DSE: variants seen among roughly 807,000 people sequenced by gnomAD.
DSE encodes the protein dermatan-sulfate epimerase.
Under a neutral mutation model 84.4 loss-of-function variants are expected in DSE, and 36 were observed. That is an observed-to-expected ratio of 0.43 (90% CI 0.33 to 0.56). The LOEUF is 0.56. Among genes scored for constraint, DSE ranks in the 20% least tolerant of loss-of-function variants. The probability of loss-of-function intolerance (pLI) is 0.06; values close to 1 mark genes in which losing one functional copy is unlikely to be tolerated. For synonymous variants in DSE, 410 were observed against 430.1 expected, an observed-to-expected ratio of 0.95 and a Z score of 0.58; for missense variants, 862 against 1,169.6, an observed-to-expected ratio of 0.74 and a Z score of 3.84.
At chr6:116,279,655 A>C in intron 2 of DSE, 1 of 1,605,898 alleles carries the variant, frequency 6.2e-7, no homozygotes, top group Non-Finnish European at 8.5e-7. Flanking sequence ...TGGAGGCGGG[A>C]GCGCGACGGT....
rs1484905169 is a variant in DSE at position 116,436,572 on chromosome 6, G to A, written c.2104G>A (p.Glu702Lys). Residue 702 changes from glutamate (E) to lysine (K), a missense_variant, in exon 6 of 6, where the codon GAG becomes AAG. Physicochemically the swap from Glu to Lys is moderately conservative, Grantham distance 56. Around this residue, in one of 4 missense-constraint regions of DSE, gnomAD observed 315 missense variants for 348.1 expected, o/e 0.90. Coordinates refer to ENST00000644252, the MANE Select transcript of DSE (RefSeq NM_013352.4). ...HAYATYLWTG[E>K]ATGQSAFAQV... ...CTACGCCACATACCTGTGGACAGGT[G>A]AGGCCACAGGACAGTCTGCCTTTGC... The A allele has an allele frequency of 1.9e-6, 3 of 1,614,140 alleles. No homozygotes were observed. In the Admixed American group the frequency reaches 5.0e-5, roughly 27 times the overall value.
intron 2 of DSE, among the ~76,000 whole-genome samples, chr6:116,285,248 AT>A (rs1316249324): frequency 1.8e-4 from 27 of 152,176 alleles, no homozygotes; most frequent in African/African-American, 6.5e-4. Flanking sequence ...TGTGGTTTTG[AT>A]TTGCATTTCT....
chr6:116,394,690 C>T (rs965760094), intron 1 of DSE, among the ~76,000 whole-genome samples: 3 of 152,106 alleles, frequency 2.0e-5, no homozygotes, highest in Admixed American at 6.6e-5. Context: ...TCAACTGATC[C>T]TCCTACCTCA....
Position 116,431,222 on chromosome 6 carries a change from C to CT in DSE, c.910+29_910+30insT, listed in dbSNP as rs1562309346. Reference sequence around the variant, plus strand: ...TAGTGAGGAGTCAGAAGTGTGAAAACATTAAACTATTGTAATTTTTTCTGA... The same window carrying CT: ...TAGTGAGGAGTCAGAAGTGTGAAAACTATTAAACTATTGTAATTTTTTCTGA... On this transcript the variant is annotated intron_variant, in intron 4 of 5. Transcript: ENST00000644252. The CT allele has an allele frequency of 3.7e-6, 6 of 1,608,168 alleles. No homozygotes were observed. The Admixed American group carries it at 1.0e-4, about 27-fold the overall frequency.
chr6:116,431,188 T>A lies in DSE; in HGVS notation c.905T>A (p.Leu302Gln). Residue 302 changes from leucine to glutamine, a missense_variant, in exon 4 of 6, where the codon CTG becomes CAG. Physicochemically the swap from Leu to Gln is moderately radical, Grantham distance 113. Coordinates refer to ENST00000644252, the MANE Select transcript of DSE (RefSeq NM_013352.4). Reference sequence around the variant, plus strand: ...TTTGCATTTATGTATAGAACCATCCTGCCAGGTATAGTGAGGAGTCAGAAG... The same window carrying A: ...TTTGCATTTATGTATAGAACCATCCAGCCAGGTATAGTGAGGAGTCAGAAG... ...QHFAFMYRTILPGFQRTVAIA... is the reference protein window; with the variant it reads ...QHFAFMYRTIQPGFQRTVAIA... 3.1e-6 allele frequency: 5 copies of A among 1,614,118 alleles called. No homozygotes were observed. Among genetic ancestry groups the A allele is most frequent in the Non-Finnish European group, 4.2e-6 (5 of 1,179,980 alleles).
Position 116,338,584 on chromosome 6 carries a change from T to C in DSE, c.-53-60614T>C, listed in dbSNP as rs551406831. On this transcript the variant is annotated intron_variant, in intron 2 of 3. Transcript: ENST00000430252. ...GTGGATCTCATGAATTTAGAGTTCA[T>C]TATAATTCACAGACAGAACCAAAGA... 7.9e-5 allele frequency among the ~76,000 whole-genome samples: 12 copies of C among 152,244 alleles called. No individual in the cohort carries two copies. In the South Asian group the frequency reaches 2.5e-3, roughly 32 times the overall value.
At chr6:116,365,446 G>C (rs1445277070), upstream of DSE, among the ~76,000 whole-genome samples, 1 of 151,726 alleles carries the variant, frequency 6.6e-6, no homozygotes, top group East Asian at 2.0e-4. Context: ...GTAGAGACGG[G>C]GTTTCACCAT....
At chr6:116,360,077 A>AT (rs1353952040) in intron 2 of DSE, among the ~76,000 whole-genome samples, 1 of 152,244 alleles carries the variant, frequency 6.6e-6, no homozygotes, top group Non-Finnish European at 1.5e-5. Context: ...GGATGGAGTC[A>AT]TTATCCTCAG....
At chr6:116,372,739 A>G (rs896136896) in intron 1 of DSE, among the ~76,000 whole-genome samples, 2 of 152,192 alleles carry the variant, frequency 1.3e-5, no homozygotes, top group African/African-American at 4.8e-5. Context: ...AACAGATTGA[A>G]TTTGATGTCT....
chr6:116,351,026 T>TA (rs1309819227), intron 2 of DSE, among the ~76,000 whole-genome samples: 16 of 152,338 alleles, frequency 1.1e-4, no homozygotes, highest in Non-Finnish European at 1.9e-4. Context: ...GTTCATTTGT[T>TA]AAAAAGCTCC....
At chr6:116,263,765 G>A (rs1267500693) in intron 2 of DSE, among the ~76,000 whole-genome samples, 1 of 152,178 alleles carries the variant, frequency 6.6e-6, no homozygotes, top group African/African-American at 2.4e-5. Flanking sequence ...CACATTTAGT[G>A]CTTCCTTCAG....
intron 1 of DSE, chr6:116,257,230 A>T (rs1371396419): frequency 2.0e-5 from 3 of 152,188 alleles, no homozygotes; most frequent in African/African-American, 4.8e-5. Flanking sequence ...CTGTGAGGTG[A>T]TATTATGACC....
intron 2 of DSE, among the ~76,000 whole-genome samples, chr6:116,270,690 C>G (rs538452194): frequency 6.6e-6 from 1 of 152,224 alleles, no homozygotes; most frequent in African/African-American, 2.4e-5. Flanking sequence ...ATAAACATAT[C>G]CCTTTTAAAA....
rs1403965125 is a variant in DSE, at chr6:116,439,577, A to T, written c.*2232A>T. On this transcript the variant is annotated 3_prime_UTR_variant, in exon 6 of 6. Transcript: ENST00000644252. ...TGAAACATGTTTTTTTTAATCAGGGATAGTGCATATTTGAGTAAAACTAGG... is the reference window on the plus strand; with the variant it reads ...TGAAACATGTTTTTTTTAATCAGGGTTAGTGCATATTTGAGTAAAACTAGG... The T allele has an allele frequency of 6.6e-6, 1 of 151,832 alleles. No homozygotes were observed. 9.4% of individuals were successfully genotyped at this position (151,832 alleles called of 1,614,324 possible).
chr6:116,333,190 G>A (rs1057296134), intron 2 of DSE, among the ~76,000 whole-genome samples: 1 of 152,160 alleles, frequency 6.6e-6, no homozygotes, highest in African/African-American at 2.4e-5. Flanking sequence ...CCTATTTTTT[G>A]TCTTGTCTTA....
At chr6:116,288,485 C>T (rs1323900582) in intron 2 of DSE, 1 of 152,042 alleles carries the variant, frequency 6.6e-6, no homozygotes, top group Non-Finnish European at 1.5e-5. Flanking sequence ...GACTTATATT[C>T]TGCTATGGGT....
chr6:116,400,439 TA>T (rs1340391141), intron 2 of DSE: 1 of 152,196 alleles, frequency 6.6e-6, no homozygotes, highest in Non-Finnish European at 1.5e-5. Context: ...GAAATTTTTT[TA>T]AAAAATTACA....
At chr6:116,272,598 A>G (rs913485955) in intron 2 of DSE, among the ~76,000 whole-genome samples, 8 of 152,204 alleles carry the variant, frequency 5.3e-5, no homozygotes, top group Non-Finnish European at 1.0e-4. Context: ...ATTTGAATCA[A>G]TTTGACAAAA....
At chr6:116,309,139 G>T (rs1486703067) in intron 2 of DSE, among the ~76,000 whole-genome samples, 1 of 152,098 alleles carries the variant, frequency 6.6e-6, no homozygotes, top group Non-Finnish European at 1.5e-5. Context: ...TTTATGAGGA[G>T]CAAATTAAAG....
Sources: allele counts gnomAD v4.1 joint callset (sites outside exome capture counted in the v4.1 genomes callset), GRCh38; gene constraint gnomAD v4.1.1; regional missense constraint gnomAD v4.1.1; transcripts MANE v1.5; gene names NCBI Gene and HGNC (gene_info 2026-07-23, HGNC 2026-07-21).